The following MLIP variants were observed in gnomAD, a reference collection of about 807,000 sequenced individuals.
MLIP encodes muscular LMNA-interacting protein.
In MLIP, 79 loss-of-function variants were observed where a neutral mutation model predicts 84.8. The observed-to-expected ratio is 0.93, with a 90% CI of 0.78 to 1.12. MLIP has a LOEUF of 1.12. Among genes scored for constraint, MLIP ranks in the 50% most tolerant of loss-of-function variants. The pLI is 0.00. For missense variants in MLIP, 1,257 were observed against 1,160.6 expected, an observed-to-expected ratio of 1.08 and a Z score of -1.21; for synonymous variants, 504 against 463.0, an observed-to-expected ratio of 1.09 and a Z score of -1.14.
intron 11 of MLIP, among the ~76,000 whole-genome samples, chr6:54,227,841 A>G (rs957332509): frequency 6.6e-6 from 1 of 152,186 alleles, no homozygotes; most frequent in Non-Finnish European, 1.5e-5. Context: ...TTTAGGGTCC[A>G]GTCAATATGA....
chr6:54,047,915 G>T (rs1312754274), intron 1 of MLIP, among the ~76,000 whole-genome samples: 1 of 152,172 alleles, frequency 6.6e-6, no homozygotes, highest in African/African-American at 2.4e-5. Flanking sequence ...TGTACTATAT[G>T]TAGGGCACAA....
intron 1 of MLIP, among the ~76,000 whole-genome samples, chr6:54,103,618 C>A (rs1768805898): frequency 6.6e-6 from 1 of 152,158 alleles, no homozygotes; most frequent in African/African-American, 2.4e-5. Flanking sequence ...GTAATTCTTC[C>A]AATCACGGTT....
chr6:54,090,618 C>T (rs192663613), intron 1 of MLIP, among the ~76,000 whole-genome samples: 144 of 151,720 alleles, frequency 9.5e-4, no homozygotes, highest in Non-Finnish European at 1.8e-3. Context: ...GTTGTGTGCA[C>T]GGCATTCTAT....
chr6:54,196,953 C>T (rs772269995), intron 10 of MLIP, among the ~76,000 whole-genome samples: 9 of 151,880 alleles, frequency 5.9e-5, no homozygotes, highest in Non-Finnish European at 8.8e-5. Flanking sequence ...TTTAAACGGA[C>T]ATTTGAAAAA....
At chr6:54,023,814 C>T (rs1763646918) in intron 1 of MLIP, among the ~76,000 whole-genome samples, 1 of 152,148 alleles carries the variant, frequency 6.6e-6, no homozygotes, top group Admixed American at 6.5e-5. Context: ...AGGTGATCCA[C>T]CCGCCTCAGC....
chr6:54,094,950 C>A (rs1349953649), intron 1 of MLIP, among the ~76,000 whole-genome samples: 1 of 152,168 alleles, frequency 6.6e-6, no homozygotes. Flanking sequence ...AAGAAAACAA[C>A]CTCCAAACAC....
chr6:54,255,961 A>G (rs1289379255), intron 12 of MLIP, among the ~76,000 whole-genome samples: 1 of 152,160 alleles, frequency 6.6e-6, no homozygotes, highest in Non-Finnish European at 1.5e-5. Context: ...AGCAGTACCT[A>G]GAGTCTGATC....
chr6:54,133,500 C>A (rs190908771), intron 3 of MLIP, among the ~76,000 whole-genome samples: 3 of 152,284 alleles, frequency 2.0e-5, no homozygotes, highest in Non-Finnish European at 1.5e-5. Flanking sequence ...TATATACGAT[C>A]CACATCTGGT....
At chr6:54,049,201 T>C (rs1765240542) in intron 1 of MLIP, among the ~76,000 whole-genome samples, 1 of 152,146 alleles carries the variant, frequency 6.6e-6, no homozygotes, top group South Asian at 2.1e-4. Context: ...AAAAGATCAG[T>C]GTAAAGCTAA....
chr6:54,240,715 G>A (rs552277908), intron 12 of MLIP, among the ~76,000 whole-genome samples: 17 of 152,272 alleles, frequency 1.1e-4, no homozygotes, highest in Middle Eastern at 6.8e-3. Context: ...CGTGGCTCAC[G>A]CCTGTAATCC....
At chr6:54,194,319 C>T (rs559414963) in intron 10 of MLIP, among the ~76,000 whole-genome samples, 15 of 152,232 alleles carry the variant, frequency 9.9e-5, no homozygotes, top group Middle Eastern at 3.4e-3. Context: ...GCAGTTTCTC[C>T]TTGACCAGTT....
At chr6:54,054,248 AGCAGCTTAGAGTCAAGTTCT>A (rs1765523100) in intron 1 of MLIP, among the ~76,000 whole-genome samples, 1 of 152,166 alleles carries the variant, frequency 6.6e-6, no homozygotes, top group Non-Finnish European at 1.5e-5. Context: ...CTTCCCGGCA[AGCAGCTTAGAGTCAAGTTCT>A]GCAGCTATTC....
intron 12 of MLIP, among the ~76,000 whole-genome samples, chr6:54,234,251 C>T (rs1582582160): frequency 6.6e-6 from 1 of 152,108 alleles, no homozygotes; most frequent in East Asian, 1.9e-4. Flanking sequence ...GTCATTTAGC[C>T]TCTGAATGCC....
intron 12 of MLIP, among the ~76,000 whole-genome samples, chr6:54,247,765 A>G (rs1782188046): frequency 6.6e-6 from 1 of 151,710 alleles, no homozygotes; most frequent in Non-Finnish European, 1.5e-5. Context: ...CCAACCACAT[A>G]CCCTCTCCCT....
chr6:54,090,506 A>G (rs1302543722), intron 1 of MLIP, among the ~76,000 whole-genome samples: 2 of 152,166 alleles, frequency 1.3e-5, no homozygotes, highest in Non-Finnish European at 2.9e-5. Context: ...TCCCTTTGTT[A>G]TTCAGAAATT....
chr6:54,243,663 G>C (rs549597378), intron 12 of MLIP, among the ~76,000 whole-genome samples: 24 of 152,240 alleles, frequency 1.6e-4, no homozygotes, highest in African/African-American at 5.8e-4. Context: ...TTGCAGAACA[G>C]CTTAAAAGCT....
At chr6:54,151,565 T>A (rs2797428) in intron 5 of MLIP, among the ~76,000 whole-genome samples, 45,051 of 151,958 alleles carry the variant, frequency 0.3, 6,902 homozygotes, top group African/African-American at 0.35. Flanking sequence ...ATCCCTTTGA[T>A]ATCACACAGA....
intron 12 of MLIP, among the ~76,000 whole-genome samples, chr6:54,241,524 C>T (rs916043459): frequency 6.6e-6 from 1 of 152,032 alleles, no homozygotes; most frequent in African/African-American, 2.4e-5. Context: ...TATGCTACTT[C>T]AGCTATTAAA....
intron 12 of MLIP, among the ~76,000 whole-genome samples, chr6:54,246,261 G>C (rs1470163880): frequency 1.3e-5 from 2 of 152,094 alleles, no homozygotes; most frequent in Non-Finnish European, 1.5e-5. Flanking sequence ...ACCACGACTT[G>C]CTTTCAAAGC....
Sources: allele counts gnomAD v4.1 joint callset (sites outside exome capture counted in the v4.1 genomes callset), GRCh38; gene constraint gnomAD v4.1.1; transcripts MANE v1.5; gene names NCBI Gene and HGNC (gene_info 2026-07-23, HGNC 2026-07-21).